Variants in CHRM2 observed in about 807,000 individuals in gnomAD.
CHRM2 encodes the protein cholinergic receptor muscarinic 2.
Under a neutral mutation model 25.0 loss-of-function variants are expected in CHRM2, and 8 were observed. The observed-to-expected ratio is 0.32, with a 90% confidence interval of 0.19 to 0.58. The LOEUF is 0.58. CHRM2 is among the 20% of genes least tolerant of loss of function. The pLI is 0.88. For missense variants in CHRM2, 440 were observed against 567.1 expected (o/e 0.78, Z 2.28); for synonymous variants, 202 against 205.7 (o/e 0.98, Z 0.15).
intron 2 of CHRM2, among the ~76,000 whole-genome samples, chr7:136,875,193 A>T (rs1279165725): frequency 2.0e-5 from 3 of 150,930 alleles, no homozygotes; most frequent in East Asian, 1.9e-4. Flanking sequence ...GCAAGAAAAA[A>T]ATATATATAC....
chr7:136,944,124 G>A (rs1447887736), intron 2 of CHRM2, among the ~76,000 whole-genome samples: 1 of 151,954 alleles, frequency 6.6e-6, no homozygotes. Context: ...GGTCATTTGG[G>A]GAACATGTTT....
chr7:136,938,710 C>T (rs946812444), intron 2 of CHRM2, among the ~76,000 whole-genome samples: 1 of 152,030 alleles, frequency 6.6e-6, no homozygotes, highest in Non-Finnish European at 1.5e-5. Flanking sequence ...CCTTGTAGGA[C>T]TGTACCCCTC....
chr7:136,895,226 C>T (rs1386519116), intron 2 of CHRM2, among the ~76,000 whole-genome samples: 2 of 152,182 alleles, frequency 1.3e-5, no homozygotes, highest in African/African-American at 4.8e-5. Context: ...AGATAAGTCT[C>T]ATTTCCAATT....
intron 3 of CHRM2, among the ~76,000 whole-genome samples, chr7:137,011,215 G>GTGTGTGTGTGTGTA: frequency 4.5e-5 from 6 of 134,328 alleles, no homozygotes; most frequent in African/African-American, 1.9e-4. Context: ...GTGTGTGTGT[G>GTGTGTGTGTGTGTA]TATATATATA....
At chr7:136,926,749 T>C (rs1253590571) in intron 2 of CHRM2, among the ~76,000 whole-genome samples, 1 of 152,200 alleles carries the variant, frequency 6.6e-6, no homozygotes, top group Non-Finnish European at 1.5e-5. Context: ...CTGCGTACTA[T>C]ATACTCTGCT....
intron 2 of CHRM2, among the ~76,000 whole-genome samples, chr7:136,962,982 A>G (rs1297578124): frequency 1.3e-5 from 2 of 152,252 alleles, no homozygotes; most frequent in Non-Finnish European, 2.9e-5. Flanking sequence ...ATTGCAATAA[A>G]GGTTTGATAC....
intron 2 of CHRM2, among the ~76,000 whole-genome samples, chr7:136,958,972 C>A (rs115875573): frequency 0.012 from 1,801 of 152,218 alleles, 36 homozygotes; most frequent in African/African-American, 0.041. Flanking sequence ...TCTCTGAGGC[C>A]CACCAGTTTG....
intron 2 of CHRM2, among the ~76,000 whole-genome samples, chr7:136,988,485 C>T (rs1347389160): frequency 4.6e-5 from 7 of 152,128 alleles, no homozygotes; most frequent in Non-Finnish European, 8.8e-5. Flanking sequence ...ATACTTGTAA[C>T]AATTTTATAG....
intron 2 of CHRM2, among the ~76,000 whole-genome samples, chr7:136,953,050 G>A (rs56243015): frequency 5.9e-5 from 9 of 152,238 alleles, no homozygotes; most frequent in Admixed American, 1.3e-4. Flanking sequence ...ATGTGCATGT[G>A]TCTTTATGAT....
intron 2 of CHRM2, among the ~76,000 whole-genome samples, chr7:136,905,338 A>C (rs914705334): frequency 2.0e-5 from 3 of 151,494 alleles, no homozygotes; most frequent in African/African-American, 7.3e-5. Flanking sequence ...ATTTGTATTT[A>C]TTTCCCATAT....
chr7:136,971,634 A>AAAC (rs1554428083), intron 2 of CHRM2, among the ~76,000 whole-genome samples: 12 of 151,084 alleles, frequency 7.9e-5, no homozygotes, highest in African/African-American at 2.7e-4. Flanking sequence ...AAAAAAAAAA[A>AAAC]AAAGACTTGC....
chr7:136,957,018 C>T (rs1038979128), intron 2 of CHRM2, among the ~76,000 whole-genome samples: 1 of 152,142 alleles, frequency 6.6e-6, no homozygotes, highest in African/African-American at 2.4e-5. Context: ...TCCAAGGCCC[C>T]TCAGAGATGC....
chr7:136,956,491 T>C (rs1407619550), intron 2 of CHRM2, among the ~76,000 whole-genome samples: 7 of 152,102 alleles, frequency 4.6e-5, no homozygotes, highest in African/African-American at 1.7e-4. Flanking sequence ...AAAATAGACC[T>C]GGTTTTTGAA....
chr7:136,983,596 G>A (rs1389009751), intron 2 of CHRM2, among the ~76,000 whole-genome samples: 2 of 152,134 alleles, frequency 1.3e-5, no homozygotes, highest in Non-Finnish European at 2.9e-5. Context: ...TTTGCTGTTG[G>A]TGACCTTCAG....
At chr7:137,009,087 A>G (rs1249035094) in intron 3 of CHRM2, among the ~76,000 whole-genome samples, 1 of 152,118 alleles carries the variant, frequency 6.6e-6, no homozygotes, top group Non-Finnish European at 1.5e-5. Flanking sequence ...TAGATTACTT[A>G]TGTATTGATA....
chr7:136,927,409 G>GGTGTGT (rs139539907), intron 2 of CHRM2, among the ~76,000 whole-genome samples: 1 of 151,514 alleles, frequency 6.6e-6, no homozygotes, highest in Non-Finnish European at 1.5e-5. Flanking sequence ...TGGTGGTGTG[G>GGTGTGT]GTGTGTGTGT....
At chr7:136,983,973 G>A (rs1270406123) in intron 2 of CHRM2, among the ~76,000 whole-genome samples, 1 of 152,158 alleles carries the variant, frequency 6.6e-6, no homozygotes, top group Non-Finnish European at 1.5e-5. Flanking sequence ...CACTGTGCAG[G>A]GAGATCCGCT....
At chr7:136,888,269 T>C (rs1270959243) in intron 2 of CHRM2, among the ~76,000 whole-genome samples, 1 of 152,122 alleles carries the variant, frequency 6.6e-6, no homozygotes, top group Non-Finnish European at 1.5e-5. Context: ...TTAAAATAGA[T>C]AGGAGCCAAA....
intron 2 of CHRM2, chr7:136,907,805 G>A (rs974139163): frequency 1.4e-4 from 21 of 151,934 alleles, no homozygotes; most frequent in Admixed American, 9.9e-4. Context: ...CCCAGACTAC[G>A]AAGGTGCCAA....
Sources: allele counts gnomAD v4.1 joint callset (sites outside exome capture counted in the v4.1 genomes callset), GRCh38; gene constraint gnomAD v4.1.1; transcripts MANE v1.5; gene names NCBI Gene and HGNC (gene_info 2026-07-23, HGNC 2026-07-21).